The following SLC12A1 variants were observed in gnomAD, a reference collection of about 807,000 sequenced individuals.
SLC12A1 encodes solute carrier family 12 member 1.
A neutral mutation model predicts 130.4 loss-of-function variants in SLC12A1; 89 were observed. The ratio of observed to expected loss-of-function variants is 0.68; its 90% CI spans 0.58 to 0.81. The LOEUF (loss-of-function observed/expected upper bound fraction) is 0.81. SLC12A1 is among the 40% of genes least tolerant of loss of function. SLC12A1 has a pLI of 0.00. For synonymous variants in SLC12A1, 499 were observed against 460.0 expected (o/e 1.08, Z -1.09); for missense variants, 1,310 against 1,336.4 (o/e 0.98, Z 0.31).
At chr15:48,240,078 T>C (rs1232279732) in intron 9 of SLC12A1, among the ~76,000 whole-genome samples, 1 of 111,984 alleles carries the variant, frequency 8.9e-6, no homozygotes, top group Non-Finnish European at 1.6e-5. Context: ...TATCCATATA[T>C]ATATATATAT....
At position 48,291,840 on chromosome 15, in the gene SLC12A1, TCAA is replaced by T; in HGVS notation, c.2939_2941del (p.Asn980del). ...GCAGACATCCATATCATCGGTGACATCAACATTAGGCCAAACAAAGAGAGGTAT... is the reference window on the plus strand; with the variant it reads ...GCAGACATCCATATCATCGGTGACATCATTAGGCCAAACAAAGAGAGGTAT... On this transcript the variant is annotated inframe_deletion, in exon 24 of 27. Transcript: ENST00000380993. The T allele has an allele frequency of 6.4e-7, 1 of 1,570,304 alleles. No homozygotes were observed. The highest frequency in any genetic ancestry group is 8.7e-7 in the Non-Finnish European group (1 of 1,155,524).
intron 2 of SLC12A1, 26 bp from the exon 3 acceptor site, chr15:48,220,608 G>A: frequency 1.5e-5 from 24 of 1,606,088 alleles, no homozygotes; most frequent in Non-Finnish European, 2.0e-5. Context: ...ACCAACTACT[G>A]TGTTTTTGCT....
At chr15:48,249,748 G>C in intron 14 of SLC12A1, 72 bp downstream of exon 14, 2 of 1,087,340 alleles carry the variant, frequency 1.8e-6, no homozygotes, top group Admixed American at 3.4e-5. Context: ...AAATAAATCA[G>C]TGAAAAGTGT....
chr15:48,219,103 C>A (rs955279288), intron 2 of SLC12A1, among the ~76,000 whole-genome samples: 1 of 152,206 alleles, frequency 6.6e-6, no homozygotes, highest in Non-Finnish European at 1.5e-5. Flanking sequence ...AACTTCTTAT[C>A]TTCTATAAGA....
intron 25 of SLC12A1, 148 bp downstream of exon 25, chr15:48,299,423 A>G: frequency 1.4e-6 from 1 of 722,588 alleles, no homozygotes; most frequent in Non-Finnish European, 2.1e-6. Context: ...GTGCTTTTCA[A>G]TCATTTACTG....
chr15:48,226,273 G>T, intron 4 of SLC12A1: 1 of 489,768 alleles, frequency 2.0e-6, no homozygotes. Context: ...TTTACTTTTG[G>T]AAACCATCCT....
chr15:48,247,090 G>T, intron 12 of SLC12A1, 74 bp downstream of exon 12: 3 of 1,228,724 alleles, frequency 2.4e-6, no homozygotes, highest in East Asian at 4.7e-5. Context: ...TGAAATATTC[G>T]TTCTCACTGG....
intron 26 of SLC12A1, among the ~76,000 whole-genome samples, chr15:48,302,355 T>C (rs959334098): frequency 1.3e-5 from 2 of 151,282 alleles, no homozygotes; most frequent in Non-Finnish European, 2.9e-5. Context: ...GCGCGGTGGC[T>C]CACGCCTGCA....
intron 2 of SLC12A1, among the ~76,000 whole-genome samples, chr15:48,215,241 A>T (rs1448046342): frequency 6.6e-6 from 1 of 152,176 alleles, no homozygotes; most frequent in Non-Finnish European, 1.5e-5. Flanking sequence ...TTCATTATCA[A>T]GAACTCATTG....
In SLC12A1 at chr15:48,254,592, T is replaced by TAAAAAAAAAAAAAAAAAAAAAAAAAAA. The variant is rs550686114; in HGVS notation, c.1943-1207_1943-1181dup. Among the ~76,000 whole-genome samples, 2 of 52,890 alleles carry TAAAAAAAAAAAAAAAAAAAAAAAAAAA rather than the reference T, an allele frequency of 3.8e-5. 1 individual carries two copies. The allele number at this position is 52,890 out of a possible 152,430, so 34.7% of individuals were successfully genotyped here. ...AAGATCCATTTAATACTTAAATTCGTAAAAAAAAAAAAAAAAAAAAAAAAA... is the reference window on the plus strand; with the variant it reads ...AAGATCCATTTAATACTTAAATTCGTAAAAAAAAAAAAAAAAAAAAAAAAAAAAAAAAAAAAAAAAAAAAAAAAAAAA... On this transcript the variant is annotated intron_variant, in intron 15 of 26. Transcript: ENST00000380993.
In SLC12A1 at chr15:48,274,618, A is replaced by G; in HGVS notation, c.2450A>G (p.Gln817Arg). ...GGCGTGGTTATAGTCAGAATCAGCC[A>G]AGGATTTGACATCTCTCAGGTTCTT... ...EIGVVIVRIS[Q>R]GFDISQVLQV... Residue 817 changes from glutamine to arginine, a missense_variant, in exon 20 of 27, where the codon CAA (glutamine) becomes CGA (arginine). Coordinates refer to ENST00000380993, the MANE Select transcript of SLC12A1 (RefSeq NM_000338.3). 1.2e-6 allele frequency: 2 copies of G among 1,613,240 alleles called. No individual in the cohort carries two copies. The highest frequency in any genetic ancestry group is 1.7e-6 in the Non-Finnish European group (2 of 1,179,470).
chr15:48,301,396 C>T lies in SLC12A1; in HGVS notation c.3164+14C>T. On this transcript the variant is annotated intron_variant, in intron 26 of 26. Transcript: ENST00000380993. Reference sequence around the variant, plus strand: ...TCTCATTGTCCTGTAAGTATCATTGCAAGCATTGAAGAACATTAGAAATAA... The same window carrying T: ...TCTCATTGTCCTGTAAGTATCATTGTAAGCATTGAAGAACATTAGAAATAA... The T allele has an allele frequency of 6.5e-7, 1 of 1,544,512 alleles. No homozygotes were observed. The highest frequency in any genetic ancestry group is 1.4e-5 in the African/African-American group (1 of 73,124).
chr15:48,230,455 G>A lies in SLC12A1; in HGVS notation c.927G>A (p.Val309=). 1 of 1,612,976 alleles carries A rather than the reference G, an allele frequency of 6.2e-7. No homozygotes were observed. The highest frequency in any genetic ancestry group is 8.5e-7 in the Non-Finnish European group (1 of 1,179,534). ...TCCGGATTATAGGCTCCATCACAGT[G>A]GTGATTCTTCTAGGAATTTCAGTAG... ...NDIRIIGSIT[V]VILLGISVAG... is the part of the protein sequence containing the mutation. The change falls in exon 7 of 27, where the codon GTG becomes GTA. Residue 309 remains valine, a synonymous_variant. Coordinates refer to ENST00000380993, the MANE Select transcript of SLC12A1 (RefSeq NM_000338.3).
chr15:48,277,940 AGC>A (rs2041971149), intron 20 of SLC12A1, among the ~76,000 whole-genome samples: 3 of 152,030 alleles, frequency 2.0e-5, no homozygotes, highest in African/African-American at 7.3e-5. Context: ...AAAATAAAAC[AGC>A]GAGGAGAGTG....
chr15:48,302,320 C>G (rs890160231), intron 26 of SLC12A1, among the ~76,000 whole-genome samples: 56 of 151,998 alleles, frequency 3.7e-4, no homozygotes, highest in African/African-American at 1.3e-3. Flanking sequence ...CTTGGGGTGG[C>G]GTAAAAATTA....
chr15:48,283,391 G>T (rs960054175), intron 20 of SLC12A1, among the ~76,000 whole-genome samples: 3 of 152,242 alleles, frequency 2.0e-5, no homozygotes, highest in Non-Finnish European at 4.4e-5. Flanking sequence ...AATGCAGCTT[G>T]TCTTCTCCTT....
chr15:48,251,134 T>C (rs1235313918), intron 14 of SLC12A1, among the ~76,000 whole-genome samples: 2 of 152,080 alleles, frequency 1.3e-5, no homozygotes, highest in Non-Finnish European at 2.9e-5. Flanking sequence ...TAATGGAAGC[T>C]ACCAGGAAGT....
At chr15:48,232,671 A>G in intron 7 of SLC12A1, 56 bp from the exon 8 acceptor site, 2 of 1,070,134 alleles carry the variant, frequency 1.9e-6, no homozygotes. Context: ...TTTTATAATT[A>G]TGTAAAAAGT....
chr15:48,239,786 G>A (rs1183058452), intron 9 of SLC12A1, among the ~76,000 whole-genome samples: 4 of 151,198 alleles, frequency 2.6e-5, no homozygotes, highest in African/African-American at 9.7e-5. Flanking sequence ...GAGCAGCTGG[G>A]ATTACAGGCA....
Sources: allele counts gnomAD v4.1 joint callset (sites outside exome capture counted in the v4.1 genomes callset), GRCh38; gene constraint gnomAD v4.1.1; transcripts MANE v1.5; gene names NCBI Gene and HGNC (gene_info 2026-07-23, HGNC 2026-07-21).